The following KIF3B variants were observed in gnomAD, a reference collection of about 807,000 sequenced individuals.
KIF3B encodes kinesin-like protein KIF3B.
KIF3B carries 38 observed loss-of-function variants against 74.3 expected under a neutral mutation model. The observed-to-expected ratio is 0.51, with a 90% CI of 0.39 to 0.67. The LOEUF (loss-of-function observed/expected upper bound fraction) is 0.67, where lower values mean the gene tolerates loss of function less well. Among genes scored for constraint, KIF3B ranks in the 30% least tolerant of loss-of-function variants. The probability of loss-of-function intolerance (pLI) is 0.00; values close to 1 mark genes in which losing one functional copy is unlikely to be tolerated. For synonymous variants in KIF3B, 326 were observed against 342.5 expected (o/e 0.95, Z 0.53); for missense variants, 649 against 932.0 (o/e 0.70, Z 3.95).
At chr20:32,312,423 A>G (rs1306869733) in intron 2 of KIF3B, among the ~76,000 whole-genome samples, 1 of 152,064 alleles carries the variant, frequency 6.6e-6, no homozygotes, top group Non-Finnish European at 1.5e-5. Flanking sequence ...TATCTTTAGT[A>G]GCTCCTTGCG....
chr20:32,327,794 A>G (rs914215897), intron 7 of KIF3B, 133 bp downstream of exon 7: 45 of 550,700 alleles, frequency 8.2e-5, no homozygotes, highest in African/African-American at 5.4e-4. Context: ...ACCAATAACA[A>G]TTATAACAAA....
intron 1 of KIF3B, among the ~76,000 whole-genome samples, chr20:32,279,292 TC>T (rs1162720076): frequency 6.6e-6 from 1 of 152,062 alleles, no homozygotes; most frequent in Admixed American, 6.6e-5. Flanking sequence ...CTGTATTTTA[TC>T]CCCCATTCAC....
chr20:32,308,231 G>A (rs749891263), intron 1 of KIF3B, among the ~76,000 whole-genome samples: 36 of 152,200 alleles, frequency 2.4e-4, no homozygotes, highest in Middle Eastern at 3.4e-3. Context: ...GCGAGACTCC[G>A]TCTCAAATTA....
intron 1 of KIF3B, among the ~76,000 whole-genome samples, chr20:32,295,795 T>G (rs1257965852): frequency 6.6e-6 from 1 of 151,488 alleles, no homozygotes; most frequent in Admixed American, 6.6e-5. Context: ...GATAAGTAGG[T>G]CCCGAATTTA....
chr20:32,327,459 G>C, intron 6 of KIF3B, 97 bp from the exon 7 acceptor site: 1 of 923,048 alleles, frequency 1.1e-6, no homozygotes, highest in Non-Finnish European at 1.7e-6. Flanking sequence ...TCAGCCTGCA[G>C]TCCAGGGAGT....
At position 32,332,480 on chromosome 20, in the gene KIF3B, A is replaced by G. The variant is rs931425840; in HGVS notation, c.*1161A>G. 3.9e-5 allele frequency: 6 copies of G among 152,248 alleles called. No homozygotes were observed. Among genetic ancestry groups the G allele is most frequent in the African/African-American group, 1.4e-4 (6 of 41,464 alleles). The allele number at this position is 152,248 out of a possible 1,614,324, so 9.4% of individuals were successfully genotyped here. A position where few individuals can be genotyped will look rare whatever the true frequency, so the allele number is the denominator to read the frequency against. ...CTGTGGCTCCCTCCAGGCAGAGCCT[A>G]AGATGCTGGTGAAGAATAGCTGTGT... On this transcript the variant is annotated 3_prime_UTR_variant, in exon 9 of 9. Coordinates refer to ENST00000375712, the MANE Select transcript of KIF3B (RefSeq NM_004798.4).
chr20:32,284,235 G>C (rs1337948255), intron 1 of KIF3B, among the ~76,000 whole-genome samples: 1 of 152,110 alleles, frequency 6.6e-6, no homozygotes, highest in East Asian at 1.9e-4. Context: ...CACAGCACCT[G>C]GCCACCACTG....
chr20:32,298,968 C>A (rs1198708338), intron 1 of KIF3B, among the ~76,000 whole-genome samples: 1 of 152,108 alleles, frequency 6.6e-6, no homozygotes, highest in Non-Finnish European at 1.5e-5. Flanking sequence ...CATCCTATCC[C>A]ACTTTTTAGT....
At chr20:32,306,686 C>T (rs1319964052) in intron 1 of KIF3B, among the ~76,000 whole-genome samples, 4 of 150,262 alleles carry the variant, frequency 2.7e-5, no homozygotes, top group African/African-American at 4.9e-5. Context: ...CCGCCACCTC[C>T]CGGGTTCAAG....
chr20:32,327,576 G>A lies in KIF3B; in HGVS notation c.1883G>A (p.Arg628Gln), dbSNP rs750316948. The A allele has an allele frequency of 5.6e-6, 9 of 1,613,194 alleles. No homozygotes were observed. The highest frequency in any genetic ancestry group is 3.3e-5 in the South Asian group (3 of 91,058). Residue 628 changes from arginine to glutamine, a missense_variant, in exon 7 of 9, where the codon CGG becomes CAG. Arg to Gln is a conservative substitution (Grantham distance 43). Around this residue, in one of 4 missense-constraint regions of KIF3B, gnomAD observed 186 missense variants for 198.5 expected, o/e 0.94. Coordinates refer to ENST00000375712, the MANE Select transcript of KIF3B (RefSeq NM_004798.4). ...TRLENQQMMKRPVSAVGYKRP... is the reference protein window; with the variant it reads ...TRLENQQMMKQPVSAVGYKRP... ...TCCAGGAACCAGCAGATGATGAAGC[G>A]GCCAGTCTCAGCCGTGGGATATAAG...
chr20:32,292,875 G>A (rs992280496), intron 1 of KIF3B, among the ~76,000 whole-genome samples: 3 of 152,198 alleles, frequency 2.0e-5, no homozygotes, highest in East Asian at 1.9e-4. Context: ...AGGTATATAT[G>A]TTCAGTATAG....
In KIF3B at chr20:32,331,296, T is replaced by C. The variant is rs374155152; in HGVS notation, c.2221T>C (p.Ser741Pro). The change falls in exon 9 of 9, where the codon TCT becomes CCT. Residue 741 changes from serine to proline, a missense_variant. Ser to Pro is a moderately conservative substitution (Grantham distance 74). Coordinates refer to ENST00000375712, the MANE Select transcript of KIF3B (RefSeq NM_004798.4). ...CCCTGCATCTCAGCTTTATCCACAGTCTCGGGGGCTGGTTCCAAAGTAAAG... is the reference window on the plus strand; with the variant it reads ...CCCTGCATCTCAGCTTTATCCACAGCCTCGGGGGCTGGTTCCAAAGTAAAG... ...GTPASQLYPQ[S>P]RGLVPK is the part of the protein sequence containing the mutation. 1.2e-4 allele frequency: 196 copies of C among 1,610,774 alleles called. No individual in the cohort carries two copies. The highest frequency in any genetic ancestry group is 1.6e-4 in the Non-Finnish European group (184 of 1,179,290).
At chr20:32,294,785 CTG>C (rs987666229) in intron 1 of KIF3B, among the ~76,000 whole-genome samples, 10 of 152,230 alleles carry the variant, frequency 6.6e-5, no homozygotes, top group Admixed American at 5.2e-4. Flanking sequence ...TGTCTTTACT[CTG>C]TGTTCCCCAA....
chr20:32,320,870 T>C (rs1197308199), intron 5 of KIF3B, among the ~76,000 whole-genome samples: 1 of 152,162 alleles, frequency 6.6e-6, no homozygotes, highest in Non-Finnish European at 1.5e-5. Context: ...ATTTGGGTTA[T>C]TTCTACTTTT....
rs760697145 is a variant in KIF3B at position 32,310,253 on chromosome 20, A to G, written c.476A>G (p.Asp159Gly). The G allele has an allele frequency of 2.5e-6, 4 of 1,613,974 alleles. No individual in the cohort carries two copies. Among genetic ancestry groups the G allele is most frequent in the Non-Finnish European group, 3.4e-6 (4 of 1,179,968 alleles). The change falls in exon 2 of 9, where the codon GAT becomes GGT. Residue 159 changes from aspartate to glycine, a missense_variant. This residue lies in a region of KIF3B where 363 missense variants were observed against 592.8 expected (regional missense o/e 0.61). Coordinates refer to ENST00000375712, the MANE Select transcript of KIF3B (RefSeq NM_004798.4). The surrounding 1 kb of genome is among the most constrained non-coding windows in gnomAD (Gnocchi z 6.5). ...GAGATCCGAGATTTGCTCTCAAAGG[A>G]TCAGACCAAAAGGCTTGAGCTCAAA... ...QEEIRDLLSK[D>G]QTKRLELKER...
intron 5 of KIF3B, among the ~76,000 whole-genome samples, chr20:32,323,751 G>C (rs756826902): frequency 2.0e-5 from 3 of 151,846 alleles, no homozygotes; most frequent in Non-Finnish European, 4.4e-5. Context: ...GGTGGCGGGC[G>C]CCTGTAATCT....
rs1031521735 is a variant in KIF3B, at chr20:32,334,966, T to G, written c.*3647T>G. On this transcript the variant is annotated 3_prime_UTR_variant, in exon 9 of 9. Coordinates refer to ENST00000375712, the MANE Select transcript of KIF3B (RefSeq NM_004798.4). ...TAGGAATGTAAAAGTGATTCTAAAC[T>G]AAGATGTGTAATAAAAATCAATCAG... The G allele has an allele frequency of 3.9e-5, 6 of 152,612 alleles. No homozygotes were observed. Among genetic ancestry groups the G allele is most frequent in the African/African-American group, 1.4e-4 (6 of 41,436 alleles). 9.5% of individuals were successfully genotyped at this position (152,612 alleles called of 1,614,324 possible).
chr20:32,329,217 A>G (rs545453230), intron 7 of KIF3B, among the ~76,000 whole-genome samples: 1 of 152,118 alleles, frequency 6.6e-6, no homozygotes, highest in Admixed American at 6.5e-5. Flanking sequence ...TAATTTTTGT[A>G]TATTTAGTAG....
At chr20:32,311,435 A>AATAAAAGTAACACCC (rs1224173943) in intron 2 of KIF3B, among the ~76,000 whole-genome samples, 1,283 of 2,184 alleles carry the variant, frequency 0.59, 640 homozygotes, top group East Asian at 0.94. Flanking sequence ...AAAGAACAGC[A>AATAAAAGTAACACCC]ACGCCTGTAA....
Sources: allele counts gnomAD v4.1 joint callset (sites outside exome capture counted in the v4.1 genomes callset), GRCh38; gene constraint gnomAD v4.1.1; regional missense constraint gnomAD v4.1.1; non-coding constraint Gnocchi (gnomAD v3.1); transcripts MANE v1.5; gene names NCBI Gene and HGNC (gene_info 2026-07-23, HGNC 2026-07-21).